CBX1: variants seen among roughly 807,000 people sequenced by gnomAD.
The protein encoded by CBX1 is chromobox 1, also known as chromobox protein homolog 1.
A neutral mutation model predicts 25.1 loss-of-function variants in CBX1; 10 were observed. The observed-to-expected ratio is 0.40, with a 90% CI of 0.25 to 0.68. The LOEUF is 0.68. CBX1 is among the 30% of genes least tolerant of loss of function. CBX1 has a pLI of 0.40. For synonymous variants in CBX1, 63 were observed against 79.4 expected (o/e 0.79, Z 1.10); for missense variants, 106 against 218.5 (o/e 0.49, Z 3.25).
chr17:48,096,315 T>C (rs1352489754), intron 1 of CBX1: 3 of 983,698 alleles, frequency 3.0e-6, no homozygotes, highest in Non-Finnish European at 3.6e-6. Flanking sequence ...TATGTTGACA[T>C]GGATATTTTG....
chr17:48,080,970 A>ATATATATATATG (rs2037731449), intron 1 of CBX1, among the ~76,000 whole-genome samples: 1 of 90,596 alleles, frequency 1.1e-5, no homozygotes, highest in African/African-American at 4.4e-5. Context: ...ATATATATAT[A>ATATATATATATG]TATATATATA....
intron 4 of CBX1, among the ~76,000 whole-genome samples, chr17:48,072,772 G>C (rs2037637364): frequency 6.7e-6 from 1 of 149,248 alleles, no homozygotes; most frequent in South Asian, 2.2e-4. Context: ...GACAGAGTGA[G>C]ACTCTGTCTC....
At chr17:48,083,588 C>T (rs997697148) in intron 1 of CBX1, among the ~76,000 whole-genome samples, 2 of 150,350 alleles carry the variant, frequency 1.3e-5, no homozygotes, top group African/African-American at 5.0e-5. Flanking sequence ...TTTGGGAGGC[C>T]GAGGTGAGCG....
chr17:48,072,970 A>C (rs546290842), intron 4 of CBX1, among the ~76,000 whole-genome samples: 1 of 151,954 alleles, frequency 6.6e-6, no homozygotes, highest in East Asian at 1.9e-4. Context: ...AAAAATACAA[A>C]AATTAGCCAG....
intron 1 of CBX1, among the ~76,000 whole-genome samples, chr17:48,085,009 T>C (rs1000113924): frequency 6.6e-6 from 1 of 152,162 alleles, no homozygotes; most frequent in East Asian, 1.9e-4. Context: ...GGTTTTACAG[T>C]ATGTACTCAA....
intron 1 of CBX1, among the ~76,000 whole-genome samples, chr17:48,085,712 T>C (rs1384185058): frequency 6.6e-6 from 1 of 152,172 alleles, no homozygotes; most frequent in African/African-American, 2.4e-5. Flanking sequence ...TAGTGTAGAA[T>C]TTTTTAAGTT....
At chr17:48,083,742 G>A (rs1368804836) in intron 1 of CBX1, among the ~76,000 whole-genome samples, 2 of 149,866 alleles carry the variant, frequency 1.3e-5, no homozygotes, top group Non-Finnish European at 2.9e-5. Flanking sequence ...GAGAATCGCT[G>A]GAACCTGGGA....
intron 1 of CBX1, among the ~76,000 whole-genome samples, chr17:48,089,247 C>T (rs1017040366): frequency 7.9e-5 from 12 of 151,226 alleles, no homozygotes; most frequent in Non-Finnish European, 1.8e-4. Context: ...ACTACATGTG[C>T]CTGCCACCAC....
At chr17:48,090,907 CCTT>C (rs1212410602) in intron 1 of CBX1, among the ~76,000 whole-genome samples, 1 of 152,220 alleles carries the variant, frequency 6.6e-6, no homozygotes, top group African/African-American at 2.4e-5. Flanking sequence ...ATCTCTTAGA[CCTT>C]ATTATTCTAG....
At chr17:48,097,178 G>A (rs9907614) in intron 1 of CBX1, among the ~76,000 whole-genome samples, 2,060 of 151,834 alleles carry the variant, frequency 0.014, 47 homozygotes, top group African/African-American at 0.044. Context: ...CACTTGAACC[G>A]AGGAGGCGGA....
chr17:48,082,152 G>T (rs2037744164), intron 1 of CBX1, among the ~76,000 whole-genome samples: 1 of 152,074 alleles, frequency 6.6e-6, no homozygotes, highest in African/African-American at 2.4e-5. Context: ...GCTGCTGTGA[G>T]CTGTGATTGT....
intron 3 of CBX1, 127 bp downstream of exon 3, chr17:48,075,874 C>T (rs1198735522): frequency 3.1e-6 from 2 of 642,664 alleles, no homozygotes; most frequent in East Asian, 5.6e-5. Flanking sequence ...ACTTTGTAGG[C>T]ATTAGCCTAC....
At chr17:48,091,194 C>T (rs2063341926) in intron 1 of CBX1, among the ~76,000 whole-genome samples, 1 of 152,206 alleles carries the variant, frequency 6.6e-6, no homozygotes. Context: ...AAGACCTCGA[C>T]TAGACTGAGG....
chr17:48,080,755 T>C (rs1229729626), intron 1 of CBX1, among the ~76,000 whole-genome samples: 1 of 150,264 alleles, frequency 6.7e-6, no homozygotes, highest in Non-Finnish European at 1.5e-5. Flanking sequence ...ACCCCATCTC[T>C]ACTAAAAGTA....
intron 1 of CBX1, among the ~76,000 whole-genome samples, chr17:48,099,703 A>C (rs1245451165): frequency 6.6e-6 from 1 of 152,164 alleles, no homozygotes; most frequent in African/African-American, 2.4e-5. Flanking sequence ...ACAATTGAGG[A>C]GGCTACTTTA....
At chr17:48,092,309 ACTAT>A (rs2063348802) in intron 1 of CBX1, among the ~76,000 whole-genome samples, 1 of 151,352 alleles carries the variant, frequency 6.6e-6, no homozygotes, top group East Asian at 2.0e-4. Flanking sequence ...ACCTTTTAAT[ACTAT>A]CTATTAAAAA....
rs1210111073 is a variant in CBX1 at position 48,071,400 on chromosome 17, C to G, written c.*35G>C. On this transcript the variant is annotated 3_prime_UTR_variant, in exon 5 of 5. Transcript: ENST00000225603. ...TCCTTCCCTTCCCACTTGAAACCCA[C>G]AGTCAGATGTGACAGGGGCTGGTAC... The G allele has an allele frequency of 3.2e-6, 5 of 1,568,934 alleles. No homozygotes were observed. Among genetic ancestry groups the G allele is most frequent in the East Asian group, 2.3e-5 (1 of 44,402 alleles).
At chr17:48,080,568 T>C (rs2037720276) in intron 1 of CBX1, among the ~76,000 whole-genome samples, 1 of 151,716 alleles carries the variant, frequency 6.6e-6, no homozygotes. Context: ...GCTTACTTAG[T>C]GTAATCATTA....
intron 1 of CBX1, among the ~76,000 whole-genome samples, chr17:48,082,907 C>T (rs1023001354): frequency 4.1e-5 from 6 of 146,904 alleles, no homozygotes; most frequent in Non-Finnish European, 8.9e-5. Context: ...GCTCTTGTCA[C>T]CCAGGCTGGA....
Sources: gnomAD v4.1 joint callset for allele counts (sites outside exome capture counted in the v4.1 genomes callset) on GRCh38, gnomAD v4.1.1 for gene constraint, MANE v1.5 for transcripts, NCBI Gene and HGNC (gene_info 2026-07-23, HGNC 2026-07-21) for gene names.